GRM8: variants seen among roughly 807,000 people sequenced by gnomAD.
GRM8 encodes the protein glutamate metabotropic receptor 8, also known as metabotropic glutamate receptor 8.
GRM8 carries 47 observed loss-of-function variants against 87.2 expected under a neutral mutation model. The ratio of observed to expected loss-of-function variants is 0.54; its 90% CI spans 0.43 to 0.69. The LOEUF is 0.69. GRM8 is among the 30% of genes least tolerant of loss of function. GRM8 has a pLI of 0.00. For missense variants in GRM8, 1,019 were observed against 1,139.2 expected, an observed-to-expected ratio of 0.89 and a Z score of 1.52; for synonymous variants, 396 against 404.5, an observed-to-expected ratio of 0.98 and a Z score of 0.25.
intron 6 of GRM8, among the ~76,000 whole-genome samples, chr7:126,809,858 A>G (rs1433334839): frequency 6.6e-6 from 1 of 152,150 alleles, no homozygotes; most frequent in South Asian, 2.1e-4. Context: ...TAGATTCTCA[A>G]ATAAGACTTA....
chr7:126,859,767 T>C (rs1797996808), intron 6 of GRM8, among the ~76,000 whole-genome samples: 1 of 152,162 alleles, frequency 6.6e-6, no homozygotes, highest in African/African-American at 2.4e-5. Flanking sequence ...CGTCCTTCTA[T>C]TTTACTATGT....
Position 126,573,660 on chromosome 7 carries a change from T to C in GRM8, c.1494+35702A>G, listed in dbSNP as rs1794874548. On this transcript the variant is annotated intron_variant, in intron 8 of 10. Transcript: ENST00000339582. ...AATTCAGTGGCATTATCTCGGCTCA[T>C]TGCAACGTCCGCCTCCCGGGTTCAA... is the stretch of plus-strand genomic sequence containing the variant. Among the ~76,000 whole-genome samples, 5 of 151,992 alleles carry C rather than the reference T, an allele frequency of 3.3e-5. No homozygotes were observed. The South Asian group carries it at 8.3e-4, about 25-fold the overall frequency.
intron 9 of GRM8, among the ~76,000 whole-genome samples, chr7:126,471,916 G>A (rs376557482): frequency 2.6e-5 from 4 of 151,426 alleles, no homozygotes; most frequent in African/African-American, 4.9e-5. Context: ...CGTCCCTTGT[G>A]AGTTGGATTC....
chr7:127,233,865 T>C (rs1250878737), intron 2 of GRM8, among the ~76,000 whole-genome samples: 1 of 152,200 alleles, frequency 6.6e-6, no homozygotes, highest in African/African-American at 2.4e-5. Flanking sequence ...CACAATGCTA[T>C]GCCTAGACCC....
intron 2 of GRM8, among the ~76,000 whole-genome samples, chr7:127,153,104 G>T (rs951089503): frequency 1.3e-5 from 2 of 152,018 alleles, no homozygotes; most frequent in African/African-American, 4.8e-5. Flanking sequence ...TACACAACCT[G>T]CTGTGAAATA....
rs1348796894 is a variant in GRM8, at chr7:126,641,383, TAAGC to T, written c.1358-31889_1358-31886del. The stretch of plus-strand genomic sequence containing the variant: ...CCAATAAAAAGAAACTCACTATGAG[TAAGC>T]GTCAGTGACTTCAAGAAGCTTACCT... On this transcript the variant is annotated intron_variant, in intron 7 of 10. Transcript: ENST00000339582. Among the ~76,000 whole-genome samples, 40 of 152,260 alleles carry T rather than the reference TAAGC, an allele frequency of 2.6e-4. No homozygotes were observed. In the East Asian group the frequency reaches 7.1e-3, roughly 27 times the overall value.
chr7:127,121,789 G>A (rs1827105316), intron 2 of GRM8, among the ~76,000 whole-genome samples: 1 of 152,086 alleles, frequency 6.6e-6, no homozygotes, highest in East Asian at 1.9e-4. Flanking sequence ...GCACTAGGCG[G>A]ATGGTCCTAA....
At chr7:127,188,848 G>A (rs1445338672) in intron 2 of GRM8, among the ~76,000 whole-genome samples, 1 of 152,174 alleles carries the variant, frequency 6.6e-6, no homozygotes, top group Non-Finnish European at 1.5e-5. Flanking sequence ...CCAGGGCTGA[G>A]TTGACAACAA....
At chr7:126,683,741 G>T (rs945107066) in intron 7 of GRM8, among the ~76,000 whole-genome samples, 2 of 152,104 alleles carry the variant, frequency 1.3e-5, no homozygotes, top group African/African-American at 2.4e-5. Flanking sequence ...GTCCAGACAG[G>T]AGTCTGGAAA....
intron 3 of GRM8, among the ~76,000 whole-genome samples, chr7:127,053,249 C>T (rs1819660079): frequency 1.3e-5 from 2 of 152,156 alleles, no homozygotes; most frequent in African/African-American, 2.4e-5. Context: ...GTTTCCTAAT[C>T]TATGATATAG....
chr7:126,511,725 T>A (rs1315483907), intron 9 of GRM8: 1 of 152,154 alleles, frequency 6.6e-6, no homozygotes, highest in East Asian at 1.9e-4. Context: ...AGAAAATATG[T>A]ATGGTTACTG....
At chr7:126,544,597 G>A (rs538419653) in intron 8 of GRM8, among the ~76,000 whole-genome samples, 5 of 151,994 alleles carry the variant, frequency 3.3e-5, no homozygotes, top group South Asian at 2.1e-4. Context: ...TGCAACCTCC[G>A]CCTCCCGGGT....
intron 7 of GRM8, among the ~76,000 whole-genome samples, chr7:126,713,697 G>A (rs1421244398): frequency 6.6e-6 from 1 of 151,626 alleles, no homozygotes; most frequent in African/African-American, 2.4e-5. Context: ...ATTCTTCAAA[G>A]GCTAGTGGGT....
intron 3 of GRM8, among the ~76,000 whole-genome samples, chr7:127,082,876 G>A (rs1007658932): frequency 1.3e-5 from 2 of 152,176 alleles, no homozygotes; most frequent in African/African-American, 4.8e-5. Context: ...GTCTAACATA[G>A]TCACGCAGTG....
intron 7 of GRM8, among the ~76,000 whole-genome samples, chr7:126,719,879 T>A (rs1341534360): frequency 6.6e-6 from 1 of 151,622 alleles, no homozygotes; most frequent in Non-Finnish European, 1.5e-5. Flanking sequence ...ATACAAGGTA[T>A]TTACTGATTT....
At chr7:126,492,513 G>A (rs1808141889) in intron 9 of GRM8, among the ~76,000 whole-genome samples, 2 of 152,060 alleles carry the variant, frequency 1.3e-5, no homozygotes, top group African/African-American at 2.4e-5. Context: ...CATGGTCACA[G>A]GGTGATTGTT....
intron 7 of GRM8, among the ~76,000 whole-genome samples, chr7:126,722,935 A>G (rs1005255593): frequency 2.0e-5 from 3 of 146,702 alleles, no homozygotes; most frequent in Non-Finnish European, 4.5e-5. Context: ...TATATAATAT[A>G]TATGTTATAG....
At chr7:127,002,900 A>G in intron 3 of GRM8, among the ~76,000 whole-genome samples, 1 of 151,714 alleles carries the variant, frequency 6.6e-6, no homozygotes, top group East Asian at 1.9e-4. Flanking sequence ...ACTACCATTA[A>G]TACTAATACT....
At chr7:126,804,087 C>G (rs563488498) in intron 6 of GRM8, among the ~76,000 whole-genome samples, 2 of 152,244 alleles carry the variant, frequency 1.3e-5, no homozygotes, top group African/African-American at 2.4e-5. Context: ...GATGCACTCT[C>G]TCTTCTAAAA....
Sources: allele counts gnomAD v4.1 joint callset (sites outside exome capture counted in the v4.1 genomes callset), GRCh38; gene constraint gnomAD v4.1.1; transcripts MANE v1.5; gene names NCBI Gene and HGNC (gene_info 2026-07-23, HGNC 2026-07-21).